Variants in ASF1A observed in about 807,000 individuals in gnomAD.
ASF1A encodes anti-silencing function 1A histone chaperone.
In ASF1A, 5 loss-of-function variants were observed where a neutral mutation model predicts 22.0. The observed-to-expected ratio is 0.23, with a 90% CI of 0.12 to 0.48. ASF1A has a LOEUF of 0.48. Among genes scored for constraint, ASF1A ranks in the 20% least tolerant of loss-of-function variants. The pLI, the probability that ASF1A is intolerant of heterozygous loss-of-function variation, is 0.99. For missense variants in ASF1A, 137 were observed against 240.6 expected (o/e 0.57, Z 2.85); for synonymous variants, 97 against 86.7 (o/e 1.12, Z -0.66).
chr6:118,896,028 A>C (rs1451744379), intron 1 of ASF1A, among the ~76,000 whole-genome samples: 1 of 148,842 alleles, frequency 6.7e-6, no homozygotes, highest in African/African-American at 2.5e-5. Flanking sequence ...TTATTACTTT[A>C]ACATGTGCCC....
At chr6:118,899,719 A>G (rs1434396590) in intron 1 of ASF1A, among the ~76,000 whole-genome samples, 1 of 152,214 alleles carries the variant, frequency 6.6e-6, no homozygotes, top group Non-Finnish European at 1.5e-5. Context: ...TACTATTTCT[A>G]TTATCAATTT....
At chr6:118,900,307 G>A (rs1006473370) in intron 1 of ASF1A, among the ~76,000 whole-genome samples, 14 of 152,176 alleles carry the variant, frequency 9.2e-5, no homozygotes, top group Non-Finnish European at 1.8e-4. Context: ...TCTCTGCAGC[G>A]TAGTATAGGG....
intron 1 of ASF1A, among the ~76,000 whole-genome samples, chr6:118,897,460 T>G (rs1779502510): frequency 1.3e-5 from 2 of 151,642 alleles, no homozygotes; most frequent in African/African-American, 4.9e-5. Context: ...ATATATATCT[T>G]AATTACAGCT....
intron 2 of ASF1A, among the ~76,000 whole-genome samples, chr6:118,904,769 CTA>C (rs1780057042): frequency 1.3e-5 from 2 of 152,220 alleles, no homozygotes; most frequent in South Asian, 2.1e-4. Context: ...AGCAAAGTAA[CTA>C]TTCATAATAG....
rs754929337 is a variant in ASF1A at position 118,907,660 on chromosome 6, A to G, written c.*46A>G. ...ACAAATTAAGCTATTAAAAATACACAGAACTATTTCCCTGAAATTCCGTAA... is the reference window on the plus strand; with the variant it reads ...ACAAATTAAGCTATTAAAAATACACGGAACTATTTCCCTGAAATTCCGTAA... On this transcript the variant is annotated 3_prime_UTR_variant, in exon 4 of 4. Transcript: ENST00000229595. 2.0e-6 allele frequency: 3 copies of G among 1,467,002 alleles called. No individual in the cohort carries two copies. The highest frequency in any genetic ancestry group is 3.4e-5 in the Admixed American group (2 of 58,044). 90.9% of individuals were successfully genotyped at this position (1,467,002 alleles called of 1,614,324 possible). A position where few individuals can be genotyped will look rare whatever the true frequency, so the allele number is the denominator to read the frequency against.
intron 1 of ASF1A, among the ~76,000 whole-genome samples, chr6:118,898,583 A>G (rs1461574728): frequency 6.6e-6 from 1 of 151,838 alleles, no homozygotes; most frequent in Non-Finnish European, 1.5e-5. Flanking sequence ...TGCCACCCCT[A>G]ATTTTTGTAC....
chr6:118,904,093 A>T (rs1173518213), intron 2 of ASF1A, among the ~76,000 whole-genome samples: 3 of 135,346 alleles, frequency 2.2e-5, no homozygotes. Context: ...TTTAAAACCA[A>T]AGAGAAAGAA....
chr6:118,899,461 C>T (rs1779659574), intron 1 of ASF1A, among the ~76,000 whole-genome samples: 1 of 152,128 alleles, frequency 6.6e-6, no homozygotes, highest in African/African-American at 2.4e-5. Flanking sequence ...TTTGCTGTTC[C>T]CTCTGGCGAG....
chr6:118,896,041 GTTTTTT>G (rs200142006), intron 1 of ASF1A, among the ~76,000 whole-genome samples: 3 of 138,560 alleles, frequency 2.2e-5, no homozygotes, highest in African/African-American at 7.8e-5. Flanking sequence ...ATGTGCCCCC[GTTTTTT>G]TTTTTTTTTT....
intron 2 of ASF1A, among the ~76,000 whole-genome samples, chr6:118,901,377 G>A (rs534842467): frequency 1.8e-4 from 28 of 152,304 alleles, no homozygotes; most frequent in Non-Finnish European, 3.2e-4. Context: ...TAACAGATAC[G>A]TTTAGTGGAT....
Position 118,907,880 on chromosome 6 carries a change from A to T in ASF1A, c.*266A>T, listed in dbSNP as rs1373022471. 2.7e-5 allele frequency: 8 copies of T among 291,560 alleles called. No individual in the cohort carries two copies. Among genetic ancestry groups the T allele is most frequent in the Non-Finnish European group, 5.1e-5 (8 of 155,376 alleles). 18.1% of individuals were successfully genotyped at this position (291,560 alleles called of 1,614,324 possible). On this transcript the variant is annotated 3_prime_UTR_variant, in exon 4 of 4. Coordinates refer to ENST00000229595, the MANE Select transcript of ASF1A (RefSeq NM_014034.3). Reference sequence around the variant, plus strand: ...TATATATTATTTTCTTCTCCTTTATATGTAATGAAAGCACTTATAAAGAAA... The same window carrying T: ...TATATATTATTTTCTTCTCCTTTATTTGTAATGAAAGCACTTATAAAGAAA...
Position 118,908,252 on chromosome 6 carries a change from C to T in ASF1A, c.*638C>T, listed in dbSNP as rs1039210783. On this transcript the variant is annotated 3_prime_UTR_variant, in exon 4 of 4. Transcript: ENST00000229595. ...ATATGGCTAATTGTTAATAAGGTCC[C>T]CTGGCTATGGTTTTTGTTCTTATAA... The T allele has an allele frequency of 1.3e-5, 2 of 151,990 alleles. No individual in the cohort carries two copies. The highest frequency in any genetic ancestry group is 2.9e-5 in the Non-Finnish European group (2 of 67,964). 9.4% of individuals were successfully genotyped at this position (151,990 alleles called of 1,614,324 possible). A position where few individuals can be genotyped will look rare whatever the true frequency, so the allele number is the denominator to read the frequency against.
chr6:118,901,258 C>A (rs1779782298), intron 2 of ASF1A, among the ~76,000 whole-genome samples: 3 of 152,160 alleles, frequency 2.0e-5, no homozygotes. Flanking sequence ...CTAAAACTAA[C>A]TGGCATTGTT....
rs928988254 is a variant in ASF1A, at chr6:118,907,616, C to G, written c.*2C>G. 9.4e-6 allele frequency: 15 copies of G among 1,602,150 alleles called. No homozygotes were observed. The highest frequency in any genetic ancestry group is 1.3e-5 in the Non-Finnish European group (15 of 1,169,272). ...GAATCCCACATGGACTGCATGTGAC[C>G]ACCTACCATCCCTTTAGTACAAATT... On this transcript the variant is annotated 3_prime_UTR_variant, in exon 4 of 4. Coordinates refer to ENST00000229595, the MANE Select transcript of ASF1A (RefSeq NM_014034.3).
At chr6:118,901,475 T>A (rs1779795374) in intron 2 of ASF1A, among the ~76,000 whole-genome samples, 1 of 152,206 alleles carries the variant, frequency 6.6e-6, no homozygotes, top group African/African-American at 2.4e-5. Context: ...AGAGGACTAC[T>A]TTTGCAAATT....
At position 118,908,339 on chromosome 6, in the gene ASF1A, G is replaced by A. The variant is rs1780310854; in HGVS notation, c.*725G>A. On this transcript the variant is annotated 3_prime_UTR_variant, in exon 4 of 4. Transcript: ENST00000229595. Reference sequence around the variant, plus strand: ...CATCATTATTGTCCAGTGAATTCAAGACCAAATACAATATCGGGAGAAAAT... The same window carrying A: ...CATCATTATTGTCCAGTGAATTCAAAACCAAATACAATATCGGGAGAAAAT... 1.3e-5 allele frequency: 2 copies of A among 152,084 alleles called. No homozygotes were observed. The highest frequency in any genetic ancestry group is 4.8e-5 in the African/African-American group (2 of 41,408). 9.4% of individuals were successfully genotyped at this position (152,084 alleles called of 1,614,324 possible). A position where few individuals can be genotyped will look rare whatever the true frequency, so the allele number is the denominator to read the frequency against.
rs1780360724 is a variant in ASF1A at position 118,909,089 on chromosome 6, A to C, written c.*1475A>C. ...ACTTCTGACTGTTAAAACTATATAA[A>C]GAAAATCTCATTTGTCTAATTGCAA... On this transcript the variant is annotated 3_prime_UTR_variant, in exon 4 of 4. Coordinates refer to ENST00000229595, the MANE Select transcript of ASF1A (RefSeq NM_014034.3). 1 of 152,268 alleles carries C rather than the reference A, an allele frequency of 6.6e-6. No individual in the cohort carries two copies. Among genetic ancestry groups the C allele is most frequent in the Non-Finnish European group, 1.5e-5 (1 of 68,032 alleles). 9.4% of individuals were successfully genotyped at this position (152,268 alleles called of 1,614,324 possible).
At chr6:118,905,508 T>C in intron 2 of ASF1A, 144 bp from the exon 3 acceptor site, 1 of 601,174 alleles carries the variant, frequency 1.7e-6, no homozygotes, top group Non-Finnish European at 2.8e-6. Flanking sequence ...CAGTCAGAAA[T>C]GAGCATTTTC....
intron 1 of ASF1A, among the ~76,000 whole-genome samples, chr6:118,896,782 T>C (rs1029405497): frequency 2.6e-5 from 4 of 152,186 alleles, no homozygotes; most frequent in East Asian, 1.9e-4. Flanking sequence ...ATAGGTTCCA[T>C]ACTTTTATAT....
Sources: gnomAD v4.1 joint callset for allele counts (sites outside exome capture counted in the v4.1 genomes callset) on GRCh38, gnomAD v4.1.1 for gene constraint, MANE v1.5 for transcripts, NCBI Gene and HGNC (gene_info 2026-07-23, HGNC 2026-07-21) for gene names.